The following DMD variants were observed in gnomAD, a reference collection of about 807,000 sequenced individuals.
The protein encoded by DMD is dystrophin, also known as mutant dystrophin.
In DMD, 63 loss-of-function variants were observed where a neutral mutation model predicts 330.1. The ratio of observed to expected loss-of-function variants is 0.19; its 90% CI spans 0.16 to 0.24. The LOEUF (loss-of-function observed/expected upper bound fraction) is 0.24, where lower values mean the gene tolerates loss of function less well. Ranked by LOEUF, DMD falls within the 10% of genes least tolerant of loss-of-function variation. The pLI is 1.00. For synonymous variants in DMD, 1,223 were observed against 959.8 expected, an observed-to-expected ratio of 1.27 and a Z score of -5.07; for missense variants, 3,344 against 2,684.1, an observed-to-expected ratio of 1.25 and a Z score of -5.43.
chrX:32,572,008 A>G (rs1050412436), intron 15 of DMD, among the ~76,000 whole-genome samples: 1 of 112,158 alleles, frequency 8.9e-6, no homozygotes, highest in Non-Finnish European at 1.9e-5. Context: ...GCTCCCCATC[A>G]GCTGCAGGCC....
At chrX:32,085,537 A>AT (rs1475674471) in intron 44 of DMD, among the ~76,000 whole-genome samples, 7 of 102,542 alleles carry the variant, frequency 6.8e-5, no homozygotes. Flanking sequence ...AAGTGAGAAC[A>AT]TGGGGTATCT....
chrX:31,830,623 C>G (rs1758950741), intron 49 of DMD, among the ~76,000 whole-genome samples: 1 of 111,878 alleles, frequency 8.9e-6, no homozygotes, highest in Non-Finnish European at 1.9e-5. Context: ...AAAATCATAT[C>G]TAAGAAAAAT....
chrX:33,188,656 A>C (rs1230442339), intron 1 of DMD, among the ~76,000 whole-genome samples: 3 of 111,844 alleles, frequency 2.7e-5, no homozygotes, highest in African/African-American at 9.8e-5. Context: ...GTTTGCTCTC[A>C]AAGCTGTTTT....
intron 22 of DMD, among the ~76,000 whole-genome samples, chrX:32,468,955 T>G (rs2040339339): frequency 9.0e-6 from 1 of 110,847 alleles, no homozygotes; most frequent in Non-Finnish European, 1.9e-5. Context: ...CAAATATATC[T>G]CAAAACTATA....
intron 7 of DMD, among the ~76,000 whole-genome samples, chrX:32,713,131 A>G (rs2065346417): frequency 8.9e-6 from 1 of 112,067 alleles, no homozygotes; most frequent in African/African-American, 3.2e-5. Context: ...AAAATCTACT[A>G]AAGCAAATCA....
intron 1 of DMD, among the ~76,000 whole-genome samples, chrX:33,309,673 C>T (rs939220285): frequency 3.6e-5 from 4 of 110,773 alleles, no homozygotes; most frequent in South Asian, 3.7e-4. Context: ...CAAGATGCAA[C>T]CATTTGCATA....
At position 31,511,779 on chromosome X, in the gene DMD, T is replaced by C. The variant is rs1208143625; in HGVS notation, c.8218-4326A>G. On this transcript the variant is annotated intron_variant, in intron 55 of 78. Coordinates refer to ENST00000357033, the MANE Select transcript of DMD (RefSeq NM_004006.3). ...TCCAAGTCTTTGCTATTGTGAATAG[T>C]GCCGCAATAAACATACGTGTGCATG... Among the ~76,000 whole-genome samples, 666 of 106,029 alleles carry C rather than the reference T, an allele frequency of 6.3e-3. 8 individuals carry two copies. The highest frequency in any genetic ancestry group is 0.022 in the African/African-American group (625 of 28,663). The allele number at this position is 106,029 out of a possible 115,157, so 92.1% of individuals were successfully genotyped here. A position where few individuals can be genotyped will look rare whatever the true frequency, so the allele number is the denominator to read the frequency against.
chrX:32,221,772 C>T (rs2097132951), intron 43 of DMD, among the ~76,000 whole-genome samples: 1 of 111,747 alleles, frequency 8.9e-6, no homozygotes, highest in Non-Finnish European at 1.9e-5. Context: ...TGTGTACCTA[C>T]AGCGTAGCTC....
At chrX:31,222,131 G>C (rs1254696331) in intron 64 of DMD, among the ~76,000 whole-genome samples, 2 of 110,629 alleles carry the variant, frequency 1.8e-5, no homozygotes, top group Non-Finnish European at 3.8e-5. Context: ...GGGAGGTGGA[G>C]TCTGCAGTGA....
chrX:31,303,670 T>C (rs2054820131), intron 62 of DMD, among the ~76,000 whole-genome samples: 1 of 111,620 alleles, frequency 9.0e-6, no homozygotes, highest in Non-Finnish European at 1.9e-5. Flanking sequence ...CAAACGTTTG[T>C]ATTCATAGGC....
At chrX:32,280,905 T>G (rs1449099693) in intron 43 of DMD, among the ~76,000 whole-genome samples, 1 of 112,652 alleles carries the variant, frequency 8.9e-6, no homozygotes. Flanking sequence ...GAAACTCACA[T>G]TAGGAATGGG....
chrX:31,188,394 T>C (rs1193581982), intron 67 of DMD, among the ~76,000 whole-genome samples: 1 of 112,125 alleles, frequency 8.9e-6, no homozygotes, highest in African/African-American at 3.2e-5. Flanking sequence ...CAGGAAGTTA[T>C]TAAGGTCAAA....
At chrX:32,033,793 G>C (rs1340980381) in intron 44 of DMD, among the ~76,000 whole-genome samples, 1 of 111,602 alleles carries the variant, frequency 9.0e-6, no homozygotes, top group East Asian at 2.8e-4. Flanking sequence ...AAAGCAGATA[G>C]GATATATTTA....
intron 60 of DMD, among the ~76,000 whole-genome samples, chrX:31,362,758 C>T (rs945483594): frequency 8.9e-6 from 1 of 112,610 alleles, no homozygotes; most frequent in African/African-American, 3.2e-5. Flanking sequence ...TCCTGGCTAA[C>T]ACGGTGAAAC....
At chrX:32,104,524 C>T in intron 44 of DMD, among the ~76,000 whole-genome samples, 1 of 111,375 alleles carries the variant, frequency 9.0e-6, no homozygotes, top group East Asian at 2.9e-4. Flanking sequence ...TTTTTAGAAC[C>T]AACATTTAGT....
intron 74 of DMD, among the ~76,000 whole-genome samples, chrX:31,162,485 T>A (rs1247194170): frequency 1.8e-5 from 2 of 110,073 alleles, no homozygotes; most frequent in Non-Finnish European, 3.8e-5. Context: ...GGTGCTTCAA[T>A]TTTTTTGTAG....
intron 43 of DMD, among the ~76,000 whole-genome samples, chrX:32,276,662 G>A (rs1184253874): frequency 9.0e-6 from 1 of 111,533 alleles, no homozygotes. Flanking sequence ...GCTCACGCCT[G>A]TAATCCTAGC....
chrX:32,499,574 T>C (rs2043836406), intron 19 of DMD, among the ~76,000 whole-genome samples: 1 of 111,790 alleles, frequency 8.9e-6, no homozygotes, highest in Admixed American at 9.6e-5. Flanking sequence ...CAAGAATGTA[T>C]GTGTCTTACG....
chrX:32,574,783 G>C (rs1173655031), intron 13 of DMD, among the ~76,000 whole-genome samples: 2 of 111,016 alleles, frequency 1.8e-5, no homozygotes, highest in Non-Finnish European at 3.8e-5. Flanking sequence ...CAGTGTCTAA[G>C]GTCTCATAAT....
Sources: gnomAD v4.1 joint callset for allele counts (sites outside exome capture counted in the v4.1 genomes callset) on GRCh38, gnomAD v4.1.1 for gene constraint, MANE v1.5 for transcripts, NCBI Gene and HGNC (gene_info 2026-07-23, HGNC 2026-07-21) for gene names.